The following MLIP variants were observed in gnomAD, a reference collection of about 807,000 sequenced individuals.
The protein encoded by MLIP is muscular LMNA interacting protein.
In MLIP, 79 loss-of-function variants were observed where a neutral mutation model predicts 84.8. That is an observed-to-expected ratio of 0.93 (90% CI 0.78 to 1.12). The LOEUF (loss-of-function observed/expected upper bound fraction) is 1.12. Among genes scored for constraint, MLIP ranks in the 50% most tolerant of loss-of-function variants. The pLI is 0.00. For synonymous variants in MLIP, 504 were observed against 463.0 expected (o/e 1.09, Z -1.14); for missense variants, 1,257 against 1,160.6 (o/e 1.08, Z -1.21).
chr6:54,100,450 T>G (rs567543021), intron 1 of MLIP, among the ~76,000 whole-genome samples: 2 of 152,112 alleles, frequency 1.3e-5, no homozygotes, highest in Admixed American at 1.3e-4. Flanking sequence ...GAGAAGAAAA[T>G]TTTTAAAAAT....
intron 1 of MLIP, chr6:54,046,645 T>C (rs995477016): frequency 1.3e-5 from 2 of 152,208 alleles, no homozygotes; most frequent in Non-Finnish European, 2.9e-5. Context: ...TATTATAAAT[T>C]GTCAGAATTA....
intron 9 of MLIP, among the ~76,000 whole-genome samples, chr6:54,184,793 C>T (rs1777226558): frequency 1.3e-5 from 2 of 152,066 alleles, no homozygotes; most frequent in African/African-American, 4.8e-5. Flanking sequence ...AAGCCCATCT[C>T]TCTCTTTCTC....
chr6:54,048,533 G>A (rs866415376), intron 1 of MLIP, among the ~76,000 whole-genome samples: 2 of 152,286 alleles, frequency 1.3e-5, no homozygotes, highest in South Asian at 4.1e-4. Context: ...GAGCATAACT[G>A]CAACTGGCTT....
At position 54,068,040 on chromosome 6, in the gene MLIP, T is replaced by C. The variant is rs867103092; in HGVS notation, c.63+48949T>C. Among the ~76,000 whole-genome samples the C allele has an allele frequency of 8.9e-3, 205 of 22,908 alleles. 64 individuals are homozygous for C. The highest frequency in any genetic ancestry group is 0.023 in the Non-Finnish European group (148 of 6,344). The allele number at this position is 22,908 out of a possible 152,430, so 15.0% of individuals were successfully genotyped here. On this transcript the variant is annotated intron_variant, in intron 1 of 12. Transcript: ENST00000274897. ...CCTTCCTTCCTTCCTTCCTTTTTTC[T>C]TTCCTTCCTTCCTTCCTTCCTTCCT...
chr6:54,024,668 A>G (rs1189915323), intron 1 of MLIP, among the ~76,000 whole-genome samples: 2 of 152,202 alleles, frequency 1.3e-5, no homozygotes, highest in African/African-American at 4.8e-5. Context: ...ATTATGATAT[A>G]ATAATGATAG....
At chr6:54,031,967 G>T (rs1764166611) in intron 1 of MLIP, among the ~76,000 whole-genome samples, 1 of 152,124 alleles carries the variant, frequency 6.6e-6, no homozygotes, top group African/African-American at 2.4e-5. Context: ...CATTGGAAAA[G>T]CATCACCAGA....
chr6:54,265,396 T>C (rs912334429), intron 13 of MLIP, among the ~76,000 whole-genome samples: 4 of 152,118 alleles, frequency 2.6e-5, no homozygotes, highest in Non-Finnish European at 4.4e-5. Flanking sequence ...ATTATTGGAA[T>C]CACTCCTCTA....
At position 54,124,483 on chromosome 6, in the gene MLIP, A is replaced by T. The variant is rs766130248; in HGVS notation, c.263A>T (p.Asn88Ile). ...SPETVNRSKSNDYLTLNAGSQ... is the reference protein window; with the variant it reads ...SPETVNRSKSIDYLTLNAGSQ... ...CTACATCTATTACAGTCTAAATCCA[A>T]TGACTACTTGACCTTGAATGCTGGG... The change falls in exon 3 of 14, where the codon AAT becomes ATT. Residue 88 changes from asparagine (N) to isoleucine (I), a missense_variant. Coordinates refer to ENST00000502396, the MANE Select transcript of MLIP (RefSeq NM_001281747.2). 6.2e-7 allele frequency: 1 copy of T among 1,613,210 alleles called. No individual in the cohort carries two copies. Among genetic ancestry groups the T allele is most frequent in the South Asian group, 1.1e-5 (1 of 91,028 alleles).
intron 1 of MLIP, among the ~76,000 whole-genome samples, chr6:54,112,986 C>T (rs906674018): frequency 6.6e-6 from 1 of 152,100 alleles, no homozygotes; most frequent in African/African-American, 2.4e-5. Flanking sequence ...ACTTAAGTAG[C>T]ATTGAATTAT....
chr6:54,135,187 C>T (rs1771698543), intron 3 of MLIP, among the ~76,000 whole-genome samples: 1 of 152,092 alleles, frequency 6.6e-6, no homozygotes, highest in South Asian at 2.1e-4. Context: ...TAAACATTGG[C>T]TAAGCAGAGT....
intron 1 of MLIP, chr6:54,041,177 G>C (rs1764720311): frequency 6.6e-6 from 1 of 152,064 alleles, no homozygotes; most frequent in Non-Finnish European, 1.5e-5. Flanking sequence ...GGCAACCACT[G>C]ATTTGTTCTC....
chr6:54,019,189 G>C (rs1763363540), intron 1 of MLIP: 1 of 1,225,410 alleles, frequency 8.2e-7, no homozygotes, highest in East Asian at 2.4e-5. Flanking sequence ...GCCGGCCTCT[G>C]TTTCCATGTT....
chr6:54,029,173 G>C (rs1763984441), intron 1 of MLIP: 1 of 152,116 alleles, frequency 6.6e-6, no homozygotes, highest in African/African-American at 2.4e-5. Flanking sequence ...ATAAATGATG[G>C]GTGCTATGGA....
At chr6:54,179,771 A>T (rs1247895609) in intron 9 of MLIP, among the ~76,000 whole-genome samples, 1 of 151,998 alleles carries the variant, frequency 6.6e-6, no homozygotes, top group African/African-American at 2.4e-5. Flanking sequence ...TGTCTTAGAA[A>T]GTTGTAATTA....
At position 54,136,925 on chromosome 6, in the gene MLIP, C is replaced by T. The variant is rs1361278662; in HGVS notation, c.856C>T (p.Pro286Ser). ...TYFQTTAHSTPFSASKGTSST... is the reference protein window; with the variant it reads ...TYFQTTAHSTSFSASKGTSST... ...TTTTCAAACTACCGCTCACTCTACA[C>T]CCTTTTCTGCATCGAAGGGCACCTC... The change falls in exon 4 of 14, where the codon CCC (proline) becomes TCC (serine). Residue 286 changes from proline to serine, a missense_variant. By Grantham distance (74) the Pro-to-Ser change is moderately conservative. Transcript: ENST00000502396. 5.9e-6 allele frequency: 9 copies of T among 1,535,924 alleles called. No individual in the cohort carries two copies. Among genetic ancestry groups the T allele is most frequent in the Non-Finnish European group, 7.8e-6 (9 of 1,146,888 alleles).
At chr6:54,165,496 A>AC (rs1175161922) in intron 8 of MLIP, among the ~76,000 whole-genome samples, 2 of 151,778 alleles carry the variant, frequency 1.3e-5, no homozygotes, top group Non-Finnish European at 2.9e-5. Flanking sequence ...CCCTCAGTTC[A>AC]CCCCATTGAT....
chr6:54,239,740 T>C (rs1781606568), intron 12 of MLIP, among the ~76,000 whole-genome samples: 1 of 151,976 alleles, frequency 6.6e-6, no homozygotes, highest in South Asian at 2.1e-4. Flanking sequence ...TGAGGCAGGA[T>C]TGCACTACTG....
At chr6:54,184,878 A>C (rs1049876585) in intron 9 of MLIP, among the ~76,000 whole-genome samples, 1 of 152,162 alleles carries the variant, frequency 6.6e-6, no homozygotes, top group Non-Finnish European at 1.5e-5. Context: ...TATTTCACAC[A>C]AGAGCCATTC....
intron 5 of MLIP, among the ~76,000 whole-genome samples, chr6:54,154,058 T>A (rs1468190979): frequency 6.6e-6 from 1 of 152,102 alleles, no homozygotes; most frequent in Middle Eastern, 3.2e-3. Flanking sequence ...ACTATGTGCA[T>A]AATTTAAAAA....
Sources: allele counts gnomAD v4.1 joint callset (sites outside exome capture counted in the v4.1 genomes callset), GRCh38; gene constraint gnomAD v4.1.1; transcripts MANE v1.5; gene names NCBI Gene and HGNC (gene_info 2026-07-23, HGNC 2026-07-21).